LPIN2: variants seen among roughly 807,000 people sequenced by gnomAD.
LPIN2 encodes lipin 2, also known as phosphatidate phosphatase LPIN2.
LPIN2 carries 55 observed loss-of-function variants against 111.4 expected under a neutral mutation model. That is an observed-to-expected ratio of 0.49 (90% CI 0.40 to 0.62). The LOEUF (loss-of-function observed/expected upper bound fraction) is 0.62, where lower values mean the gene tolerates loss of function less well. LPIN2 is among the 20% of genes least tolerant of loss of function. LPIN2 has a pLI of 0.00. For synonymous variants in LPIN2, 425 were observed against 414.0 expected, an observed-to-expected ratio of 1.03 and a Z score of -0.32; for missense variants, 992 against 1,112.1, an observed-to-expected ratio of 0.89 and a Z score of 1.54.
At position 2,946,952 on chromosome 18, in the gene LPIN2, G is replaced by A. The variant is rs111821625; in HGVS notation, c.590+4103C>T. On this transcript the variant is annotated intron_variant, in intron 4 of 19. Transcript: ENST00000677752. Reference sequence around the variant, plus strand: ...TGTGTTCTGTGTCAGAAACGAAGGAGAGAAAAGGCAGGGAGCATCTGTAAG... The same window carrying A: ...TGTGTTCTGTGTCAGAAACGAAGGAAAGAAAAGGCAGGGAGCATCTGTAAG... The A allele has an allele frequency of 3.2e-3, 771 of 241,024 alleles. 8 individuals are homozygous for A. Among genetic ancestry groups the A allele is most frequent in the African/African-American group, 0.017 (714 of 43,124 alleles). The allele number at this position is 241,024 out of a possible 1,614,324, so 14.9% of individuals were successfully genotyped here.
intron 1 of LPIN2, among the ~76,000 whole-genome samples, chr18:3,000,979 AGAGG>A (rs540543772): frequency 8.0e-6 from 1 of 124,280 alleles, no homozygotes; most frequent in East Asian, 2.7e-4. Flanking sequence ...AAGAGGGGGG[AGAGG>A]GAGGGAGAGA....
At chr18:2,969,311 T>C (rs2077864366) in intron 1 of LPIN2, among the ~76,000 whole-genome samples, 1 of 152,264 alleles carries the variant, frequency 6.6e-6, no homozygotes. Flanking sequence ...GGAATTGTCC[T>C]GTCCTTTGTC....
At chr18:3,010,179 T>C (rs1008854274) in intron 1 of LPIN2, among the ~76,000 whole-genome samples, 1 of 152,174 alleles carries the variant, frequency 6.6e-6, no homozygotes, top group African/African-American at 2.4e-5. Context: ...AATAAGCGTT[T>C]AGTGTTAGTA....
chr18:2,974,092 G>GTTGTT (rs1369095461), intron 1 of LPIN2, among the ~76,000 whole-genome samples: 5 of 152,050 alleles, frequency 3.3e-5, no homozygotes, highest in African/African-American at 7.2e-5. Flanking sequence ...AGTTGTTGTT[G>GTTGTT]TTGTTTTGTT....
chr18:3,007,558 GA>G (rs1033968837), intron 1 of LPIN2, among the ~76,000 whole-genome samples: 10 of 152,238 alleles, frequency 6.6e-5, no homozygotes, highest in East Asian at 1.9e-4. Flanking sequence ...TGTTTACAAA[GA>G]AAAAAATAAC....
At chr18:2,994,822 A>G (rs983736610) in intron 1 of LPIN2, among the ~76,000 whole-genome samples, 3 of 152,164 alleles carry the variant, frequency 2.0e-5, no homozygotes, top group Non-Finnish European at 4.4e-5. Context: ...TGTGTGGGCA[A>G]AATTGTCTGC....
chr18:2,994,187 G>C (rs1379313868), intron 1 of LPIN2, among the ~76,000 whole-genome samples: 3 of 152,176 alleles, frequency 2.0e-5, no homozygotes, highest in African/African-American at 7.2e-5. Flanking sequence ...TTTAGTCCTG[G>C]GTCCTGCACT....
intron 1 of LPIN2, among the ~76,000 whole-genome samples, chr18:3,002,463 G>C (rs1429818613): frequency 6.6e-6 from 1 of 152,098 alleles, no homozygotes. Context: ...AATACACTAG[G>C]TATAGACAAC....
rs1387086411 is a variant in LPIN2, at chr18:2,935,144, G to A, written c.1169-694C>T. Among the ~76,000 whole-genome samples, 3 of 152,250 alleles carry A rather than the reference G, an allele frequency of 2.0e-5. No individual in the cohort carries two copies. The East Asian group carries it at 5.8e-4, about 29-fold the overall frequency. ...GTTGCTAAAGTGAGGTACACAAAAT[G>A]TTAAAAATGCGTAAAACACACTAAG... On this transcript the variant is annotated intron_variant, in intron 7 of 19. Transcript: ENST00000677752.
chr18:2,941,543 T>C (rs557296819), intron 4 of LPIN2, among the ~76,000 whole-genome samples: 1 of 152,308 alleles, frequency 6.6e-6, no homozygotes, highest in East Asian at 1.9e-4. Flanking sequence ...TACTTGGAAA[T>C]TTATCATTTG....
chr18:2,926,934 C>G, intron 12 of LPIN2, 129 bp from the exon 13 acceptor site: 1 of 743,962 alleles, frequency 1.3e-6, no homozygotes. Flanking sequence ...GCTCAAAAAC[C>G]AGACTTTCTC....
At chr18:2,983,979 A>G (rs1388649625) in intron 1 of LPIN2, among the ~76,000 whole-genome samples, 1 of 152,204 alleles carries the variant, frequency 6.6e-6, no homozygotes, top group East Asian at 1.9e-4. Context: ...TGGATTGTTC[A>G]TCATTCCTTT....
Position 2,920,752 on chromosome 18 carries a change from G to A in LPIN2, c.2546+26C>T, listed in dbSNP as rs201937123. 1.4e-4 allele frequency: 225 copies of A among 1,574,508 alleles called. 1 individual carries two copies. The highest frequency in any genetic ancestry group is 2.2e-4 in the Admixed American group (13 of 59,982). On this transcript the variant is annotated intron_variant, in intron 19 of 19. Transcript: ENST00000677752. ...ACTGTACCCCTGGCTGCAGGGCGCC[G>A]GGCTGAGAGCTGAGAATGTACTTAC... is the stretch of plus-strand genomic sequence containing the variant.
At chr18:3,007,451 G>GT (rs1256823894) in intron 1 of LPIN2, among the ~76,000 whole-genome samples, 3 of 152,192 alleles carry the variant, frequency 2.0e-5, no homozygotes, top group African/African-American at 7.2e-5. Context: ...GATTACAGGC[G>GT]TAAGCCACCA....
chr18:2,963,576 G>A (rs991770982), intron 1 of LPIN2, among the ~76,000 whole-genome samples: 8 of 151,942 alleles, frequency 5.3e-5, no homozygotes, highest in Non-Finnish European at 8.8e-5. Context: ...AATGGAGAGT[G>A]ACAGAGACCA....
intron 4 of LPIN2, among the ~76,000 whole-genome samples, chr18:2,948,814 A>ATT (rs769701843): frequency 3.7e-4 from 53 of 144,706 alleles, no homozygotes; most frequent in African/African-American, 1.1e-3. Flanking sequence ...ATTGTTTATA[A>ATT]TTTTTTTTTT....
intron 1 of LPIN2, among the ~76,000 whole-genome samples, chr18:2,980,733 T>C (rs1033384701): frequency 1.4e-4 from 21 of 152,226 alleles, no homozygotes; most frequent in Non-Finnish European, 2.4e-4. Context: ...TCGCTTCCGC[T>C]GGAGAAGAGG....
chr18:2,982,068 A>T (rs1166200851), intron 1 of LPIN2, among the ~76,000 whole-genome samples: 1 of 152,190 alleles, frequency 6.6e-6, no homozygotes, highest in Non-Finnish European at 1.5e-5. Flanking sequence ...AGCTTACATA[A>T]CTTGTTCTAA....
At chr18:2,921,339 G>A in intron 18 of LPIN2, 194 bp downstream of exon 18, 1 of 628,698 alleles carries the variant, frequency 1.6e-6, no homozygotes, top group South Asian at 1.9e-5. Flanking sequence ...AAATTCTGGG[G>A]CAGATCTGCA....
Sources: gnomAD v4.1 joint callset for allele counts (sites outside exome capture counted in the v4.1 genomes callset) on GRCh38, gnomAD v4.1.1 for gene constraint, MANE v1.5 for transcripts, NCBI Gene and HGNC (gene_info 2026-07-23, HGNC 2026-07-21) for gene names.